MYOM1: variants seen among roughly 807,000 people sequenced by gnomAD.
MYOM1 encodes myomesin-1.
In MYOM1, 164 loss-of-function variants were observed where a neutral mutation model predicts 205.3. The ratio of observed to expected loss-of-function variants is 0.80; its 90% CI spans 0.70 to 0.91. The LOEUF (loss-of-function observed/expected upper bound fraction) is 0.91, where lower values mean the gene tolerates loss of function less well. Ranked by LOEUF, MYOM1 falls within the 40% of genes least tolerant of loss-of-function variation. The pLI is 0.00. For synonymous variants in MYOM1, 772 were observed against 789.4 expected, an observed-to-expected ratio of 0.98 and a Z score of 0.37; for missense variants, 2,011 against 2,127.3, an observed-to-expected ratio of 0.95 and a Z score of 1.08.
intron 8 of MYOM1, among the ~76,000 whole-genome samples, chr18:3,170,884 A>G (rs2080546996): frequency 6.6e-6 from 1 of 152,212 alleles, no homozygotes. Context: ...TCTCGACCCC[A>G]AAACTTAGGC....
chr18:3,225,631 TGAA>T, the MYOM1 span, among the ~76,000 whole-genome samples: 1 of 152,044 alleles, frequency 6.6e-6, no homozygotes, highest in Non-Finnish European at 1.5e-5. Flanking sequence ...CTTTTGGAGG[TGAA>T]GGAGGGCAGA....
At chr18:3,173,852 A>G in intron 8 of MYOM1, 86 bp downstream of exon 8, 3 of 1,151,192 alleles carry the variant, frequency 2.6e-6, no homozygotes, top group Non-Finnish European at 3.9e-6. Context: ...TATATATAGT[A>G]TGCATTTATT....
chr18:3,131,800 T>C (rs548948333), intron 16 of MYOM1, among the ~76,000 whole-genome samples: 23 of 151,870 alleles, frequency 1.5e-4, no homozygotes, highest in African/African-American at 4.8e-4. Flanking sequence ...GTAATATATA[T>C]ACTTTAGACA....
chr18:3,142,363 G>A (rs943142971), intron 13 of MYOM1, among the ~76,000 whole-genome samples: 1 of 152,000 alleles, frequency 6.6e-6, no homozygotes, highest in African/African-American at 2.4e-5. Flanking sequence ...CTGGGCCCAA[G>A]TGATCCTCCC....
At chr18:3,090,294 A>C (rs1206531669) in intron 27 of MYOM1, among the ~76,000 whole-genome samples, 2 of 142,792 alleles carry the variant, frequency 1.4e-5, no homozygotes, top group Non-Finnish European at 3.0e-5. Flanking sequence ...ATCTTGGCTC[A>C]CTGCAATCTC....
At chr18:3,149,862 G>C (rs557829010) in intron 12 of MYOM1, among the ~76,000 whole-genome samples, 1 of 152,040 alleles carries the variant, frequency 6.6e-6, no homozygotes, top group Non-Finnish European at 1.5e-5. Context: ...AAAACAGAAA[G>C]GCAGTAAAGA....
chr18:3,148,864 A>G (rs1429629483), intron 13 of MYOM1, among the ~76,000 whole-genome samples: 1 of 150,464 alleles, frequency 6.6e-6, no homozygotes, highest in South Asian at 2.1e-4. Flanking sequence ...AAAAAAAAAA[A>G]AAAAAAAAGA....
rs1199500885 is a variant in MYOM1 at position 3,135,005 on chromosome 18, G to A, written c.2210-181C>T. 3 of 597,060 alleles carry A rather than the reference G, an allele frequency of 5.0e-6. No homozygotes were observed. Among genetic ancestry groups the A allele is most frequent in the Non-Finnish European group, 8.6e-6 (3 of 348,424 alleles). 37.0% of individuals were successfully genotyped at this position (597,060 alleles called of 1,614,324 possible). On this transcript the variant is annotated intron_variant, in intron 15 of 37. Coordinates refer to ENST00000356443, the MANE Select transcript of MYOM1 (RefSeq NM_003803.4). This position sits in a 1 kb window ranked among gnomAD's most constrained non-coding sequence, Gnocchi z 4.1. ...GCTCTGTCACCCAGGCTGGAGAGCAGTGGCGGGATCTCGGCTCACTGCAGC... is the reference window on the plus strand; with the variant it reads ...GCTCTGTCACCCAGGCTGGAGAGCAATGGCGGGATCTCGGCTCACTGCAGC...
In MYOM1 at chr18:3,067,521, G is replaced by A. The variant is rs372260768; in HGVS notation, c.4799C>T (p.Pro1600Leu). ...CTTCAACCACGACACCTCCGGAGGCGGGTCTCCCCACACGTTGCAAGTGAG... is the reference window on the plus strand; with the variant it reads ...CTTCAACCACGACACCTCCGGAGGCAGGTCTCCCCACACGTTGCAAGTGAG... ...LNLTCNVWGD[P>L]PPEVSWLKNE... The change falls in exon 38 of 38, where the codon CCG becomes CTG. Residue 1600 changes from proline to leucine, a missense_variant. Transcript: ENST00000356443. 177 of 1,613,768 alleles carry A rather than the reference G, an allele frequency of 1.1e-4. No homozygotes were observed. Among genetic ancestry groups the A allele is most frequent in the Non-Finnish European group, 1.5e-4 (173 of 1,179,850 alleles).
chr18:3,072,370 T>TTTTTTTTTTTTTTTTTTTTTTG (rs768555182), intron 36 of MYOM1, among the ~76,000 whole-genome samples: 7 of 115,940 alleles, frequency 6.0e-5, no homozygotes, highest in African/African-American at 1.0e-4. Flanking sequence ...TTTTTTTTTT[T>TTTTTTTTTTTTTTTTTTTTTTG]TGAGGCAGAG....
intron 10 of MYOM1, among the ~76,000 whole-genome samples, chr18:3,156,519 T>C (rs2080303859): frequency 6.6e-6 from 1 of 152,160 alleles, no homozygotes; most frequent in Non-Finnish European, 1.5e-5. Context: ...TAGGAGAATG[T>C]AACTAACTCA....
chr18:3,069,195 TTTG>T (rs1264776221), intron 37 of MYOM1, among the ~76,000 whole-genome samples: 3 of 152,214 alleles, frequency 2.0e-5, no homozygotes, highest in African/African-American at 7.2e-5. Flanking sequence ...CTCCCCACCA[TTTG>T]TTGTTGTACA....
At chr18:3,082,323 G>T (rs1297065753) in intron 33 of MYOM1, among the ~76,000 whole-genome samples, 1 of 152,178 alleles carries the variant, frequency 6.6e-6, no homozygotes, top group Non-Finnish European at 1.5e-5. Context: ...GGGCTCTGGA[G>T]CCAGGCTGCC....
rs8090876 is a variant in MYOM1, at chr18:3,168,531, T to C, written c.1339+286A>G. Among the ~76,000 whole-genome samples, 15,631 of 152,154 alleles carry C rather than the reference T, an allele frequency of 0.1. 1,797 individuals carry two copies. Among genetic ancestry groups the C allele is most frequent in the African/African-American group, 0.29 (11,966 of 41,464 alleles). ...CTCAAACTCCTGACCTCAGGTTATC[T>C]GCCCATCTCAGCCTCCCAAAGTGCT... On this transcript the variant is annotated intron_variant, in intron 9 of 37. Transcript: ENST00000356443.
At chr18:3,081,593 G>T (rs1264288978) in intron 33 of MYOM1, among the ~76,000 whole-genome samples, 1 of 152,116 alleles carries the variant, frequency 6.6e-6, no homozygotes, top group South Asian at 2.1e-4. Flanking sequence ...AAGATATAAA[G>T]CTTTTTGATT....
At chr18:3,177,311 T>C (rs1341999574) in intron 5 of MYOM1, among the ~76,000 whole-genome samples, 1 of 152,068 alleles carries the variant, frequency 6.6e-6, no homozygotes, top group African/African-American at 2.4e-5. Context: ...AAATAAGCTT[T>C]TTAAAAAGTT....
rs114887376 is a variant in MYOM1, at chr18:3,086,998, A to G, written c.4138-847T>C. 2.6e-3 allele frequency among the ~76,000 whole-genome samples: 394 copies of G among 152,342 alleles called. 2 individuals are homozygous for G. The highest frequency in any genetic ancestry group is 9.1e-3 in the African/African-American group (379 of 41,574). On this transcript the variant is annotated intron_variant, in intron 29 of 37. Coordinates refer to ENST00000356443, the MANE Select transcript of MYOM1 (RefSeq NM_003803.4). ...TATACAGGTTTTAAAATGTGAAACA[A>G]TTTCAGCTAATAAATAAACATAGGA... is the stretch of plus-strand genomic sequence containing the variant.
chr18:3,079,048 A>T, intron 34 of MYOM1, 131 bp downstream of exon 34: 1 of 777,416 alleles, frequency 1.3e-6, no homozygotes, highest in East Asian at 2.9e-5. Flanking sequence ...CCTGACTTCA[A>T]GTCATCCTCC....
At chr18:3,129,561 C>A (rs1207252162) in intron 17 of MYOM1, 42 bp from the exon 18 acceptor site, 2 of 1,571,682 alleles carry the variant, frequency 1.3e-6, no homozygotes, top group African/African-American at 2.7e-5. Flanking sequence ...TGAGCCCGGA[C>A]AGAGTATCAG....
Sources: allele counts gnomAD v4.1 joint callset (sites outside exome capture counted in the v4.1 genomes callset), GRCh38; gene constraint gnomAD v4.1.1; non-coding constraint Gnocchi (gnomAD v3.1); transcripts MANE v1.5; gene names NCBI Gene and HGNC (gene_info 2026-07-23, HGNC 2026-07-21).